The following APOOL variants were observed in gnomAD, a reference collection of about 807,000 sequenced individuals.
APOOL encodes apolipoprotein O like.
APOOL carries 12 observed loss-of-function variants against 23.1 expected under a neutral mutation model. The ratio of observed to expected loss-of-function variants is 0.52; its 90% CI spans 0.33 to 0.84. The LOEUF is 0.84. Among genes scored for constraint, APOOL ranks in the 40% least tolerant of loss-of-function variants. The probability of loss-of-function intolerance (pLI) is 0.02; values close to 1 mark genes in which losing one functional copy is unlikely to be tolerated. For missense variants in APOOL, 212 were observed against 199.6 expected (o/e 1.06, Z -0.37); for synonymous variants, 77 against 69.9 (o/e 1.10, Z -0.51).
intron 5 of APOOL, 98 bp from the exon 6 acceptor site, chrX:85,067,029 A>G: frequency 2.0e-6 from 1 of 510,060 alleles, no homozygotes; most frequent in Non-Finnish European, 3.2e-6. Context: ...ACAGAGGGTG[A>G]TGGCTTACCA....
intron 1 of APOOL, among the ~76,000 whole-genome samples, chrX:85,033,642 T>C (rs1230815045): frequency 8.9e-6 from 1 of 111,959 alleles, no homozygotes; most frequent in Non-Finnish European, 1.9e-5. Context: ...TATTGGATTA[T>C]TGTGAAGATT....
intron 5 of APOOL, among the ~76,000 whole-genome samples, chrX:85,058,118 T>G (rs746875399): frequency 6.3e-5 from 7 of 111,177 alleles, no homozygotes; most frequent in Non-Finnish European, 1.3e-4. Flanking sequence ...ATGTTTAGAT[T>G]TGTTACATAG....
At chrX:85,079,912 T>C (rs1374796212) in intron 8 of APOOL, among the ~76,000 whole-genome samples, 1 of 111,961 alleles carries the variant, frequency 8.9e-6, no homozygotes, top group Non-Finnish European at 1.9e-5. Flanking sequence ...TGGTAGTTTG[T>C]ATTTCTGTGG....
At chrX:85,061,625 G>A (rs1174319629) in intron 5 of APOOL, among the ~76,000 whole-genome samples, 3 of 110,909 alleles carry the variant, frequency 2.7e-5, no homozygotes, top group African/African-American at 3.3e-5. Context: ...TGTATGGGTC[G>A]AGGAATTTAT....
At chrX:85,077,077 A>T (rs1265853509) in intron 8 of APOOL, among the ~76,000 whole-genome samples, 1 of 16,922 alleles carries the variant, frequency 5.9e-5, no homozygotes, top group Non-Finnish European at 1.3e-4. Flanking sequence ...ATATATATAC[A>T]TATATATATA....
intron 5 of APOOL, among the ~76,000 whole-genome samples, chrX:85,065,429 G>T (rs552843210): frequency 1.3e-4 from 14 of 111,686 alleles, no homozygotes; most frequent in Middle Eastern, 9.1e-3. Context: ...AATGATGCTG[G>T]CTAGTTAATT....
Position 85,090,442 on chromosome X carries a change from GAT to G in APOOL, c.*2768_*2769del, listed in dbSNP as rs1197083465. 2 of 111,181 alleles carry G rather than the reference GAT, an allele frequency of 1.8e-5. No homozygotes were observed. Among genetic ancestry groups the G allele is most frequent in the Non-Finnish European group, 3.8e-5 (2 of 53,022 alleles). The allele number at this position is 111,181 out of a possible 1,213,427, so 9.2% of individuals were successfully genotyped here. On this transcript the variant is annotated 3_prime_UTR_variant, in exon 9 of 9. Transcript: ENST00000373173. Reference sequence around the variant, plus strand: ...TTCTTCTAACCCATTTGTCTATTATGATATAGTTGTCTTGACAACTATAATGA... The same window carrying G: ...TTCTTCTAACCCATTTGTCTATTATGATAGTTGTCTTGACAACTATAATGA...
At chrX:85,004,837 T>C (rs768565757) in intron 1 of APOOL, among the ~76,000 whole-genome samples, 2 of 111,355 alleles carry the variant, frequency 1.8e-5, no homozygotes, top group South Asian at 7.5e-4. Context: ...GGGCATGTCA[T>C]CATCTCCCCT....
chrX:85,016,457 T>C (rs1160166462), intron 1 of APOOL, among the ~76,000 whole-genome samples: 1 of 110,572 alleles, frequency 9.0e-6, no homozygotes, highest in Non-Finnish European at 1.9e-5. Context: ...ACTTGGATCA[T>C]ACAGGCACAT....
intron 1 of APOOL, among the ~76,000 whole-genome samples, chrX:85,042,701 T>C (rs1038014554): frequency 5.4e-5 from 6 of 111,497 alleles, no homozygotes; most frequent in African/African-American, 9.8e-5. Context: ...TACCAGCAAA[T>C]CAAATTCCAA....
At chrX:85,046,334 A>G in intron 1 of APOOL, 112 bp from the exon 2 acceptor site, 6 of 574,292 alleles carry the variant, frequency 1.0e-5, no homozygotes, top group Non-Finnish European at 2.7e-6. Context: ...TTGAGTATTT[A>G]ATATATTAAA....
chrX:85,054,752 G>A (rs1922903052), intron 4 of APOOL, among the ~76,000 whole-genome samples: 1 of 111,285 alleles, frequency 9.0e-6, no homozygotes, highest in South Asian at 3.7e-4. Context: ...GTAACTGTAA[G>A]TGGTAGTGCC....
intron 1 of APOOL, among the ~76,000 whole-genome samples, chrX:85,031,228 G>A (rs1215703767): frequency 9.0e-6 from 1 of 111,663 alleles, no homozygotes; most frequent in African/African-American, 3.3e-5. Context: ...AGGGCCTTTA[G>A]TTGTTTGCCT....
chrX:85,018,278 AAGCTAACTATC>A (rs751693600), intron 1 of APOOL, among the ~76,000 whole-genome samples: 2 of 112,091 alleles, frequency 1.8e-5, no homozygotes, highest in African/African-American at 6.5e-5. Flanking sequence ...GAGCCTCAGG[AAGCTAACTATC>A]ATGCCAGAAG....
intron 5 of APOOL, among the ~76,000 whole-genome samples, chrX:85,057,737 C>T (rs1923029539): frequency 9.2e-6 from 1 of 108,396 alleles, no homozygotes; most frequent in Non-Finnish European, 1.9e-5. Flanking sequence ...TCCCTATATC[C>T]TATTTCTTAT....
intron 8 of APOOL, among the ~76,000 whole-genome samples, chrX:85,079,071 A>G (rs932855465): frequency 1.8e-5 from 2 of 111,337 alleles, no homozygotes; most frequent in Admixed American, 1.9e-4. Context: ...TCCTAATTGA[A>G]TACCCTTTAT....
chrX:85,007,470 A>G lies in APOOL; in HGVS notation c.15+3543A>G, dbSNP rs187143910. 3.0e-4 allele frequency among the ~76,000 whole-genome samples: 33 copies of G among 111,857 alleles called. No individual in the cohort carries two copies. In the Admixed American group the frequency reaches 3.0e-3, roughly 10 times the overall value. ...AAAGAAGAACTAGTTCAAAAAGAGT[A>G]GGAGAGTTGAAAGAGCATTCTATTT... On this transcript the variant is annotated intron_variant, in intron 1 of 8. Transcript: ENST00000373173.
rs779657929 is a variant in APOOL, at chrX:85,078,823, T to C, written c.718+4432T>C. Among the ~76,000 whole-genome samples, 7 of 111,320 alleles carry C rather than the reference T, an allele frequency of 6.3e-5. No homozygotes were observed. In the East Asian group the frequency reaches 2.0e-3, roughly 32 times the overall value. ...TCCTTCACATCCCTTGTAAGTTGAA[T>C]TCCTAGGTATTTTATTCTCTTTGTA... On this transcript the variant is annotated intron_variant, in intron 8 of 8. Transcript: ENST00000373173.
intron 8 of APOOL, among the ~76,000 whole-genome samples, chrX:85,082,628 A>G (rs1924150556): frequency 8.9e-6 from 1 of 111,740 alleles, no homozygotes; most frequent in African/African-American, 3.3e-5. Context: ...TCAGATCTCA[A>G]TGTCCAGAAA....
Sources: allele counts gnomAD v4.1 joint callset (sites outside exome capture counted in the v4.1 genomes callset), GRCh38; gene constraint gnomAD v4.1.1; transcripts MANE v1.5; gene names NCBI Gene and HGNC (gene_info 2026-07-23, HGNC 2026-07-21).